The following ZNF610 variants were observed in gnomAD, a reference collection of about 807,000 sequenced individuals.
ZNF610 encodes the protein zink finger protein.
In ZNF610, 14 loss-of-function variants were observed where a neutral mutation model predicts 14.1. That is an observed-to-expected ratio of 0.99 (90% CI 0.65 to 1.55). The LOEUF (loss-of-function observed/expected upper bound fraction) is 1.55, where lower values mean the gene tolerates loss of function less well. Ranked by LOEUF, ZNF610 falls within the 40% of genes most tolerant of loss-of-function variation. The pLI, the probability that ZNF610 is intolerant of heterozygous loss-of-function variation, is 0.00. For missense variants in ZNF610, 530 were observed against 558.0 expected (o/e 0.95, Z 0.51); for synonymous variants, 185 against 187.6 (o/e 0.99, Z 0.11).
chr19:52,341,560 G>A (rs1478571172), intron 1 of ZNF610, among the ~76,000 whole-genome samples: 2 of 151,954 alleles, frequency 1.3e-5, no homozygotes, highest in African/African-American at 4.8e-5. Context: ...TGCCCGCCTC[G>A]GCCTCCCAAA....
intron 1 of ZNF610, among the ~76,000 whole-genome samples, chr19:52,336,887 A>C (rs1484501605): frequency 1.3e-5 from 2 of 152,180 alleles, no homozygotes; most frequent in Non-Finnish European, 2.9e-5. Context: ...CCCACTAAAA[A>C]TGTGCTCTTG....
At chr19:52,348,599 G>T (rs1405766305) in intron 2 of ZNF610, among the ~76,000 whole-genome samples, 3 of 152,130 alleles carry the variant, frequency 2.0e-5, no homozygotes, top group African/African-American at 4.8e-5. Context: ...TATTCCCCAA[G>T]CACGTGAATA....
upstream of ZNF610, among the ~76,000 whole-genome samples, chr19:52,335,671 C>T (rs1984342260): frequency 6.6e-6 from 1 of 152,050 alleles, no homozygotes; most frequent in African/African-American, 2.4e-5. Flanking sequence ...ATCTTTCTCC[C>T]GTGCTGGAGA....
chr19:52,347,572 A>G (rs1454615528), intron 1 of ZNF610, 135 bp from the exon 2 acceptor site: 4 of 152,238 alleles, frequency 2.6e-5, no homozygotes, highest in African/African-American at 4.8e-5. Context: ...GCCGGAATGC[A>G]GTGGTGCGAT....
intron 1 of ZNF610, among the ~76,000 whole-genome samples, chr19:52,339,842 A>G (rs1341315070): frequency 6.6e-6 from 1 of 152,144 alleles, no homozygotes; most frequent in East Asian, 1.9e-4. Context: ...TATTTTTAAT[A>G]GAGATGGGGT....
chr19:52,365,531 A>G (rs995450869), intron 5 of ZNF610, among the ~76,000 whole-genome samples, 167 bp from the exon 6 acceptor site: 9 of 152,094 alleles, frequency 5.9e-5, no homozygotes, highest in African/African-American at 1.7e-4. Context: ...CACTGCTCCA[A>G]TGCATCACGT....
intron 1 of ZNF610, chr19:52,345,557 A>T (rs1257033426): frequency 1.3e-5 from 2 of 152,102 alleles, no homozygotes; most frequent in East Asian, 3.9e-4. Context: ...GTGAGAAGAT[A>T]GGAAAGTGAA....
At chr19:52,341,214 T>C (rs1039127658) in intron 1 of ZNF610, among the ~76,000 whole-genome samples, 26 of 152,252 alleles carry the variant, frequency 1.7e-4, no homozygotes, top group African/African-American at 6.3e-4. Context: ...CCCCTAGTTC[T>C]TGGTTGACTC....
intron 5 of ZNF610, among the ~76,000 whole-genome samples, chr19:52,357,189 C>T (rs1985562510): frequency 6.6e-6 from 1 of 152,148 alleles, no homozygotes; most frequent in Non-Finnish European, 1.5e-5. Flanking sequence ...GTAATACATA[C>T]TTAACATTTA....
At chr19:52,349,288 GA>G in intron 3 of ZNF610, 53 bp downstream of exon 3, 1 of 1,573,136 alleles carries the variant, frequency 6.4e-7, no homozygotes, top group Middle Eastern at 1.7e-4. Flanking sequence ...TGAAATGCCT[GA>G]AGCATCCTGC....
In ZNF610 at chr19:52,366,869, G is replaced by A; in HGVS notation, c.*102G>A. The stretch of plus-strand genomic sequence containing the variant: ...ATAAATGTGGCAAAGAATTTAGTTT[G>A]CATTGAAGCCTCATCACTCATCTCT... On this transcript the variant is annotated 3_prime_UTR_variant, in exon 6 of 6. Transcript: ENST00000403906. 1.1e-6 allele frequency: 1 copy of A among 906,838 alleles called. No individual in the cohort carries two copies. The highest frequency in any genetic ancestry group is 1.7e-6 in the Non-Finnish European group (1 of 604,486). 56.2% of individuals were successfully genotyped at this position (906,838 alleles called of 1,614,324 possible).
intron 2 of ZNF610, among the ~76,000 whole-genome samples, chr19:52,348,409 T>C (rs1444918488): frequency 6.6e-6 from 1 of 152,214 alleles, no homozygotes; most frequent in East Asian, 1.9e-4. Flanking sequence ...CTTTCCTTTT[T>C]TTTGTAATTA....
chr19:52,361,533 A>T (rs1985776634), intron 5 of ZNF610, among the ~76,000 whole-genome samples: 1 of 151,360 alleles, frequency 6.6e-6, no homozygotes, highest in African/African-American at 2.4e-5. Flanking sequence ...TCCATTTCTA[A>T]GTTTACTTAT....
intron 5 of ZNF610, among the ~76,000 whole-genome samples, chr19:52,360,363 CAAAT>C (rs1985717627): frequency 6.8e-6 from 1 of 146,276 alleles, no homozygotes. Context: ...CAGATGAAAA[CAAAT>C]ATATATGTAA....
rs375886705 is a variant in ZNF610 at position 52,349,247 on chromosome 19, T to C, written c.63+12T>C. On this transcript the variant is annotated intron_variant, in intron 3 of 5. Transcript: ENST00000403906. Reference sequence around the variant, plus strand: ...TGGCTCTTCCTCAGGTAAAGTGATATTCTCGGTGGTTGGTTCTCTCTGTTT... The same window carrying C: ...TGGCTCTTCCTCAGGTAAAGTGATACTCTCGGTGGTTGGTTCTCTCTGTTT... 6.2e-6 allele frequency: 10 copies of C among 1,611,654 alleles called. No homozygotes were observed. Among genetic ancestry groups the C allele is most frequent in the Non-Finnish European group, 8.5e-6 (10 of 1,179,426 alleles).
chr19:52,354,580 ATTTTTTT>A lies in ZNF610; in HGVS notation c.319+219_319+225del, dbSNP rs201439857. ...CCACTGCACCTTGCAAAGCCATACTATTTTTTTTTTTTTTTTTTTTTTTTGTCTCACT... is the reference window on the plus strand; with the variant it reads ...CCACTGCACCTTGCAAAGCCATACTATTTTTTTTTTTTTTTTTGTCTCACT... On this transcript the variant is annotated intron_variant, in intron 5 of 5. Transcript: ENST00000403906. 0.017 allele frequency among the ~76,000 whole-genome samples: 2,143 copies of A among 123,544 alleles called. 69 individuals are homozygous for A. In the East Asian group the frequency reaches 0.18, roughly 11 times the overall value. 81.0% of individuals were successfully genotyped at this position (123,544 alleles called of 152,430 possible).
intron 1 of ZNF610, among the ~76,000 whole-genome samples, chr19:52,344,344 A>G (rs932752067): frequency 4.7e-5 from 7 of 150,234 alleles, no homozygotes; most frequent in African/African-American, 1.5e-4. Context: ...CCGATTTAAC[A>G]CTCCAGCCTG....
intron 3 of ZNF610, among the ~76,000 whole-genome samples, chr19:52,349,862 C>T (rs998191288): frequency 5.3e-5 from 8 of 152,164 alleles, no homozygotes; most frequent in African/African-American, 1.9e-4. Flanking sequence ...AGCCACCGCG[C>T]CTGGCCTGAA....
intron 3 of ZNF610, among the ~76,000 whole-genome samples, chr19:52,350,232 A>G (rs915356925): frequency 1.3e-5 from 2 of 152,198 alleles, no homozygotes; most frequent in Non-Finnish European, 2.9e-5. Flanking sequence ...TATTTGTTTT[A>G]TAGGAAGACA....
Sources: allele counts gnomAD v4.1 joint callset (sites outside exome capture counted in the v4.1 genomes callset), GRCh38; gene constraint gnomAD v4.1.1; transcripts MANE v1.5; gene names NCBI Gene and HGNC (gene_info 2026-07-23, HGNC 2026-07-21).